DNAH7: variants seen among roughly 807,000 people sequenced by gnomAD.
The protein encoded by DNAH7 is axonemal beta dynein heavy chain 7.
A neutral mutation model predicts 444.6 loss-of-function variants in DNAH7; 397 were observed. The ratio of observed to expected loss-of-function variants is 0.89; its 90% CI spans 0.82 to 0.97. The LOEUF (loss-of-function observed/expected upper bound fraction) is 0.97, where lower values mean the gene tolerates loss of function less well. Among genes scored for constraint, DNAH7 ranks in the 50% least tolerant of loss-of-function variants. DNAH7 has a pLI of 0.00. For missense variants in DNAH7, 4,902 were observed against 4,800.8 expected (o/e 1.02, Z -0.62); for synonymous variants, 1,636 against 1,624.4 (o/e 1.01, Z -0.17).
At chr2:196,040,186 C>T (rs142286495) in intron 5 of DNAH7, among the ~76,000 whole-genome samples, 44 of 152,200 alleles carry the variant, frequency 2.9e-4, no homozygotes, top group Non-Finnish European at 5.0e-4. Flanking sequence ...ATTCCAAAAA[C>T]TTGAAGAGAA....
chr2:195,809,091 C>A (rs767169655), intron 52 of DNAH7, among the ~76,000 whole-genome samples: 29 of 152,180 alleles, frequency 1.9e-4, no homozygotes, highest in Non-Finnish European at 2.5e-4. Context: ...CAAATAGTTA[C>A]TTTTTGACAA....
chr2:196,054,004 G>A (rs1697648443), intron 2 of DNAH7, among the ~76,000 whole-genome samples: 1 of 152,156 alleles, frequency 6.6e-6, no homozygotes, highest in African/African-American at 2.4e-5. Context: ...CAGACTTCAT[G>A]TGAGCAAGGC....
chr2:195,994,824 A>T, intron 12 of DNAH7: 1 of 443,384 alleles, frequency 2.3e-6, no homozygotes, highest in Non-Finnish European at 4.4e-6. Context: ...GGATCAGTTC[A>T]TCTAATTTTT....
chr2:195,885,586 G>T (rs1701657754), intron 34 of DNAH7, among the ~76,000 whole-genome samples: 1 of 152,054 alleles, frequency 6.6e-6, no homozygotes, highest in Admixed American at 6.5e-5. Flanking sequence ...CACAGTAGAA[G>T]TGCTACCACG....
chr2:195,749,237 A>G (rs1157637147), intron 63 of DNAH7, among the ~76,000 whole-genome samples: 2 of 152,230 alleles, frequency 1.3e-5, no homozygotes, highest in Non-Finnish European at 2.9e-5. Context: ...AAAAATGCTC[A>G]CCATCACTGG....
At chr2:195,784,323 T>C (rs1333357853) in intron 58 of DNAH7, among the ~76,000 whole-genome samples, 1 of 152,226 alleles carries the variant, frequency 6.6e-6, no homozygotes, top group Non-Finnish European at 1.5e-5. Context: ...TTTGCCTTTT[T>C]CAGGATGTCA....
At chr2:195,937,210 AATAAC>A (rs1689115948) in intron 19 of DNAH7, among the ~76,000 whole-genome samples, 1 of 152,234 alleles carries the variant, frequency 6.6e-6, no homozygotes, top group East Asian at 1.9e-4. Flanking sequence ...TATGAATAAT[AATAAC>A]ATAACAGAAT....
intron 36 of DNAH7, among the ~76,000 whole-genome samples, chr2:195,877,406 A>G (rs1453187722): frequency 6.6e-6 from 1 of 152,238 alleles, no homozygotes; most frequent in Admixed American, 6.5e-5. Context: ...GGGAAACGGT[A>G]AAGTTTTTTG....
At chr2:195,930,308 C>T (rs55980229) in intron 21 of DNAH7, among the ~76,000 whole-genome samples, 19,104 of 151,988 alleles carry the variant, frequency 0.13, 1,588 homozygotes, top group Middle Eastern at 0.27. Flanking sequence ...CACCACTGCA[C>T]TCCAGCCTGG....
Position 195,909,839 on chromosome 2 carries a change from T to C in DNAH7, c.4104+188A>G, listed in dbSNP as rs76466803. The stretch of plus-strand genomic sequence containing the variant: ...TTACAGTAGGGACTGGAGAGGAAAG[T>C]AGAGATTCTCTGCAAATAGGGTTTT... On this transcript the variant is annotated intron_variant, in intron 25 of 64. Coordinates refer to ENST00000312428, the MANE Select transcript of DNAH7 (RefSeq NM_018897.3). Among the ~76,000 whole-genome samples the C allele has an allele frequency of 7.3e-3, 1,113 of 152,338 alleles. 13 individuals are homozygous for C. Among genetic ancestry groups the C allele is most frequent in the African/African-American group, 0.025 (1,058 of 41,576 alleles).
chr2:196,045,911 A>G (rs1697092459), intron 5 of DNAH7, among the ~76,000 whole-genome samples: 1 of 152,134 alleles, frequency 6.6e-6, no homozygotes, highest in African/African-American at 2.4e-5. Context: ...TATGAGAAAT[A>G]CCAATAAATA....
chr2:195,887,877 G>C (rs1454775249), intron 33 of DNAH7, among the ~76,000 whole-genome samples: 2 of 111,986 alleles, frequency 1.8e-5, no homozygotes, highest in Non-Finnish European at 3.5e-5. Flanking sequence ...AAATGAATTT[G>C]CCTACTTTGG....
chr2:195,842,966 CT>C (rs1413689841), intron 47 of DNAH7, among the ~76,000 whole-genome samples: 1 of 152,136 alleles, frequency 6.6e-6, no homozygotes, highest in Non-Finnish European at 1.5e-5. Context: ...ACTTCAGTAA[CT>C]ACTAATATGT....
chr2:196,002,297 CTA>C (rs1694085391), intron 10 of DNAH7, among the ~76,000 whole-genome samples: 1 of 146,760 alleles, frequency 6.8e-6, no homozygotes, highest in East Asian at 3.6e-4. Context: ...TCATGCTATT[CTA>C]TCTGTTTACA....
intron 19 of DNAH7, among the ~76,000 whole-genome samples, chr2:195,948,922 T>C (rs1231013965): frequency 1.3e-5 from 2 of 152,200 alleles, no homozygotes; most frequent in African/African-American, 4.8e-5. Context: ...TTCCTATCCA[T>C]GAGCATGGAA....
intron 55 of DNAH7, among the ~76,000 whole-genome samples, chr2:195,798,840 C>T (rs1247459494): frequency 6.6e-6 from 1 of 152,054 alleles, no homozygotes; most frequent in East Asian, 1.9e-4. Context: ...GCCACCGTGC[C>T]TGGCCAGAAC....
intron 61 of DNAH7, among the ~76,000 whole-genome samples, chr2:195,758,993 A>G (rs969982010): frequency 6.6e-6 from 1 of 152,264 alleles, no homozygotes; most frequent in Non-Finnish European, 1.5e-5. Context: ...GGCAAGGCCT[A>G]GTCCTGTGCT....
intron 27 of DNAH7, among the ~76,000 whole-genome samples, chr2:195,905,931 G>A (rs1686987432): frequency 6.6e-6 from 1 of 151,916 alleles, no homozygotes; most frequent in Admixed American, 6.6e-5. Context: ...ATAGAGAAAC[G>A]CCTTTAGTAA....
At chr2:195,796,537 A>G in intron 56 of DNAH7, 39 bp downstream of exon 56, 17 of 1,605,996 alleles carry the variant, frequency 1.1e-5, no homozygotes, top group Non-Finnish European at 1.4e-5. Context: ...AATTAGATCC[A>G]GGGAATGCAA....
Sources: allele counts gnomAD v4.1 joint callset (sites outside exome capture counted in the v4.1 genomes callset), GRCh38; gene constraint gnomAD v4.1.1; transcripts MANE v1.5; gene names NCBI Gene and HGNC (gene_info 2026-07-23, HGNC 2026-07-21).